ITGAV: variants seen among roughly 807,000 people sequenced by gnomAD.
The protein encoded by ITGAV is integrin alpha-V.
ITGAV carries 76 observed loss-of-function variants against 143.8 expected under a neutral mutation model. The observed-to-expected ratio is 0.53, with a 90% CI of 0.44 to 0.64. The LOEUF is 0.64. Among genes scored for constraint, ITGAV ranks in the 30% least tolerant of loss-of-function variants. The pLI is 0.00. For missense variants in ITGAV, 1,193 were observed against 1,274.7 expected (o/e 0.94, Z 0.98); for synonymous variants, 453 against 446.7 (o/e 1.01, Z -0.18).
At chr2:186,618,103 A>G (rs999336301) in intron 2 of ITGAV, among the ~76,000 whole-genome samples, 2 of 152,218 alleles carry the variant, frequency 1.3e-5, no homozygotes, top group Non-Finnish European at 2.9e-5. Context: ...TTTCTTTTGC[A>G]TTCTCTTCAC....
rs560594321 is a variant in ITGAV at position 186,620,461 on chromosome 2, C to T, written c.317-1878C>T. 5.9e-5 allele frequency among the ~76,000 whole-genome samples: 9 copies of T among 152,158 alleles called. No homozygotes were observed. The South Asian group carries it at 8.3e-4, about 14-fold the overall frequency. On this transcript the variant is annotated intron_variant, in intron 2 of 29. Transcript: ENST00000261023. Reference sequence around the variant, plus strand: ...GGGACGAAGGATAAGAGAACTCTTCCGCATAAAAATAAGTATATCAGCCAG... The same window carrying T: ...GGGACGAAGGATAAGAGAACTCTTCTGCATAAAAATAAGTATATCAGCCAG...
chr2:186,632,996 G>A (rs1463803017), intron 5 of ITGAV, among the ~76,000 whole-genome samples: 1 of 151,544 alleles, frequency 6.6e-6, no homozygotes, highest in African/African-American at 2.4e-5. Context: ...TAGATAGATA[G>A]ATAGATACAT....
At position 186,653,188 on chromosome 2, in the gene ITGAV, A is replaced by G. The variant is rs539917518; in HGVS notation, c.1505+1099A>G. Among the ~76,000 whole-genome samples, 7 of 151,386 alleles carry G rather than the reference A, an allele frequency of 4.6e-5. No homozygotes were observed. In the East Asian group the frequency reaches 1.4e-3, roughly 29 times the overall value. The stretch of plus-strand genomic sequence containing the variant: ...TCTCGATCTCCTGACCTCATGATCC[A>G]CCCGCCTCGGCCTCCCAAAGTGCTC... On this transcript the variant is annotated intron_variant, in intron 15 of 29. Coordinates refer to ENST00000261023, the MANE Select transcript of ITGAV (RefSeq NM_002210.5).
At chr2:186,639,172 G>A (rs946605177) in intron 10 of ITGAV, among the ~76,000 whole-genome samples, 1 of 152,090 alleles carries the variant, frequency 6.6e-6, no homozygotes, top group Non-Finnish European at 1.5e-5. Context: ...ATTTCTCTGC[G>A]AGTACAGGCA....
rs201827776 is a variant in ITGAV at position 186,602,070 on chromosome 2, G to C, written c.235G>C (p.Gly79Arg). ...GAPKANTTQP[G>R]IVEGGQVLKC... ...TCCCAAAGCAAACACCACCCAGCCTGGGATTGTGGAAGGAGGGCAGGTCCT... is the reference window on the plus strand; with the variant it reads ...TCCCAAAGCAAACACCACCCAGCCTCGGATTGTGGAAGGAGGGCAGGTCCT... Residue 79 changes from glycine (G) to arginine (R), a missense_variant, in exon 2 of 30, where the codon GGG becomes CGG. Gly to Arg is a moderately radical substitution (Grantham distance 125). Coordinates refer to ENST00000261023, the MANE Select transcript of ITGAV (RefSeq NM_002210.5). The C allele has an allele frequency of 6.2e-7, 1 of 1,613,294 alleles. No individual in the cohort carries two copies. Among genetic ancestry groups the C allele is most frequent in the Non-Finnish European group, 8.5e-7 (1 of 1,179,554 alleles).
In ITGAV at chr2:186,640,358, A is replaced by G. The variant is rs903618102; in HGVS notation, c.904-557A>G. 3.3e-5 allele frequency among the ~76,000 whole-genome samples: 5 copies of G among 152,346 alleles called. No individual in the cohort carries two copies. The South Asian group carries it at 1.0e-3, about 32-fold the overall frequency. ...AAATCATGTGGCAAGTAATCTATAGAGATATGACACAAAAATGAGCTCCTT... is the reference window on the plus strand; with the variant it reads ...AAATCATGTGGCAAGTAATCTATAGGGATATGACACAAAAATGAGCTCCTT... On this transcript the variant is annotated intron_variant, in intron 10 of 29. Coordinates refer to ENST00000261023, the MANE Select transcript of ITGAV (RefSeq NM_002210.5).
At chr2:186,675,785 A>G (rs768092151) in intron 27 of ITGAV, 35 bp from the exon 28 acceptor site, 2 of 1,543,694 alleles carry the variant, frequency 1.3e-6, no homozygotes, top group South Asian at 1.1e-5. Context: ...AAGGCCTGAT[A>G]TCTGGGAAAT....
chr2:186,634,617 A>G (rs182829528), intron 6 of ITGAV, among the ~76,000 whole-genome samples: 110 of 152,330 alleles, frequency 7.2e-4, no homozygotes, highest in Non-Finnish European at 1.2e-3. Context: ...TAGAAAATTC[A>G]GGCATCACAG....
chr2:186,650,035 GTAT>G (rs919271670), intron 14 of ITGAV, 150 bp downstream of exon 14: 12 of 554,504 alleles, frequency 2.2e-5, no homozygotes, highest in Non-Finnish European at 3.7e-5. Flanking sequence ...TGGGCAAATA[GTAT>G]TATTTTTATT....
intron 18 of ITGAV, among the ~76,000 whole-genome samples, chr2:186,663,014 G>T (rs1180466567): frequency 1.7e-4 from 26 of 151,860 alleles, no homozygotes; most frequent in Admixed American, 1.6e-3. Context: ...TAATTTTTAT[G>T]TTTCTTCTTT....
At chr2:186,676,720 A>G (rs1041041603) in intron 28 of ITGAV, 93 bp from the exon 29 acceptor site, 3 of 1,311,536 alleles carry the variant, frequency 2.3e-6, no homozygotes, top group Admixed American at 4.8e-5. Flanking sequence ...ATATACTGTG[A>G]ATTCCATTAA....
intron 2 of ITGAV, among the ~76,000 whole-genome samples, chr2:186,615,858 T>G (rs2105675857): frequency 6.6e-6 from 1 of 152,322 alleles, no homozygotes; most frequent in Admixed American, 6.5e-5. Flanking sequence ...TTTGGTTTTC[T>G]AAATCATTGC....
intron 1 of ITGAV, among the ~76,000 whole-genome samples, chr2:186,591,730 C>T (rs1686621066): frequency 6.6e-6 from 1 of 152,168 alleles, no homozygotes; most frequent in African/African-American, 2.4e-5. Context: ...ATTTTGGTAA[C>T]AACCTTTGCA....
chr2:186,675,772 T>C (rs201065129), intron 27 of ITGAV, 48 bp from the exon 28 acceptor site: 56 of 1,546,634 alleles, frequency 3.6e-5, no homozygotes, highest in African/African-American at 1.1e-4. Context: ...CAAATAAATA[T>C]AAAAGGCCTG....
chr2:186,645,449 T>C (rs569699680), intron 12 of ITGAV, among the ~76,000 whole-genome samples: 2 of 149,596 alleles, frequency 1.3e-5, no homozygotes, highest in East Asian at 3.9e-4. Flanking sequence ...CTGGAAAGAG[T>C]AAATAAGGGT....
At chr2:186,644,683 C>T (rs1418732162) in intron 12 of ITGAV, among the ~76,000 whole-genome samples, 1 of 152,070 alleles carries the variant, frequency 6.6e-6, no homozygotes, top group East Asian at 1.9e-4. Context: ...GTTAGGTACT[C>T]ATTTTTAAGG....
At position 186,626,903 on chromosome 2, in the gene ITGAV, C is replaced by G. The variant is rs778846378; in HGVS notation, c.523+1316C>G. 2.0e-5 allele frequency among the ~76,000 whole-genome samples: 3 copies of G among 152,222 alleles called. No individual in the cohort carries two copies. The East Asian group carries it at 5.8e-4, about 29-fold the overall frequency. ...TCATCTTCGGTGGTATGTAGAGAAT[C>G]TGAAGATTAAATTTGTATTTTTAAT... On this transcript the variant is annotated intron_variant, in intron 4 of 29. Transcript: ENST00000261023.
At chr2:186,641,017 A>G (rs778400079) in intron 11 of ITGAV, 50 bp downstream of exon 11, 12 of 1,320,886 alleles carry the variant, frequency 9.1e-6, no homozygotes, top group Middle Eastern at 2.0e-4. Context: ...CATGTTTACG[A>G]ATACTTTACT....
chr2:186,678,525 T>G lies in ITGAV; in HGVS notation c.*1233T>G. ...GTCAGAATAACTTCTAAAAGGTATT[T>G]TTATAAGCAGTTCAAGTTACTGAAA... On this transcript the variant is annotated 3_prime_UTR_variant, in exon 30 of 30. Transcript: ENST00000261023. 1 of 262,448 alleles carries G rather than the reference T, an allele frequency of 3.8e-6. No individual in the cohort carries two copies. The highest frequency in any genetic ancestry group is 7.5e-6 in the Non-Finnish European group (1 of 133,824). 16.3% of individuals were successfully genotyped at this position (262,448 alleles called of 1,614,324 possible). A position where few individuals can be genotyped will look rare whatever the true frequency, so the allele number is the denominator to read the frequency against.
Sources: gnomAD v4.1 joint callset for allele counts (sites outside exome capture counted in the v4.1 genomes callset) on GRCh38, gnomAD v4.1.1 for gene constraint, MANE v1.5 for transcripts, NCBI Gene and HGNC (gene_info 2026-07-23, HGNC 2026-07-21) for gene names.